Variants in HDAC9 observed in about 807,000 individuals in gnomAD.
HDAC9 encodes histone deacetylase 9.
Under a neutral mutation model 139.4 loss-of-function variants are expected in HDAC9, and 41 were observed. That is an observed-to-expected ratio of 0.29 (90% CI 0.23 to 0.38). HDAC9 has a LOEUF of 0.38. HDAC9 is among the 10% of genes least tolerant of loss of function. The pLI is 1.00. For synonymous variants in HDAC9, 517 were observed against 476.2 expected (o/e 1.09, Z -1.12); for missense variants, 1,147 against 1,297.0 (o/e 0.88, Z 1.78).
intron 1 of HDAC9, among the ~76,000 whole-genome samples, chr7:18,383,656 T>C (rs546421096): frequency 1.0e-3 from 157 of 152,114 alleles, no homozygotes; most frequent in African/African-American, 3.3e-3. Flanking sequence ...AAAGAAAGCT[T>C]TTTTAGCATG....
intron 17 of HDAC9, among the ~76,000 whole-genome samples, chr7:18,802,813 T>A (rs1184835555): frequency 6.6e-6 from 1 of 151,714 alleles, no homozygotes; most frequent in Admixed American, 6.6e-5. Flanking sequence ...AAAACAGCTT[T>A]TTTTCTTTTC....
intron 12 of HDAC9, among the ~76,000 whole-genome samples, chr7:18,727,271 A>G (rs1236736403): frequency 6.6e-6 from 1 of 152,178 alleles, no homozygotes; most frequent in Non-Finnish European, 1.5e-5. Context: ...GAAATGAGTC[A>G]AAGTCGACGT....
chr7:18,352,660 G>A lies in HDAC9; in HGVS notation c.-42+62145G>A, dbSNP rs568668386. Among the ~76,000 whole-genome samples, 10 of 151,988 alleles carry A rather than the reference G, an allele frequency of 6.6e-5. No homozygotes were observed. The South Asian group carries it at 8.3e-4, about 13-fold the overall frequency. On this transcript the variant is annotated intron_variant, in intron 1 of 3. Coordinates refer to the HDAC9 transcript ENST00000413509. Reference sequence around the variant, plus strand: ...TAAAGGTGAAAACAAACTCTTTTTCGTTATGATGGTTAGCATGCTAGATTC... The same window carrying A: ...TAAAGGTGAAAACAAACTCTTTTTCATTATGATGGTTAGCATGCTAGATTC...
intron 2 of HDAC9, among the ~76,000 whole-genome samples, chr7:18,174,779 G>C (rs1368616536): frequency 6.6e-6 from 1 of 152,166 alleles, no homozygotes; most frequent in Non-Finnish European, 1.5e-5. Flanking sequence ...TATCACCAGT[G>C]GAGGCTGCAG....
intron 1 of HDAC9, among the ~76,000 whole-genome samples, chr7:18,360,587 T>C (rs1783699096): frequency 1.3e-5 from 2 of 152,188 alleles, no homozygotes; most frequent in African/African-American, 2.4e-5. Context: ...ATAAATTCTT[T>C]TCATCTTTCA....
chr7:18,138,219 G>A (rs1481039306), intron 1 of HDAC9, among the ~76,000 whole-genome samples: 1 of 151,928 alleles, frequency 6.6e-6, no homozygotes, highest in Admixed American at 6.6e-5. Flanking sequence ...AGTCTTGCTA[G>A]TGGTCTATCA....
intron 13 of HDAC9, among the ~76,000 whole-genome samples, chr7:18,731,580 A>C (rs1198241254): frequency 6.6e-6 from 1 of 152,172 alleles, no homozygotes; most frequent in Non-Finnish European, 1.5e-5. Context: ...TCTTCATTCT[A>C]TTTCCTGAGA....
At chr7:18,628,345 T>C (rs902892979) in intron 6 of HDAC9, among the ~76,000 whole-genome samples, 2 of 152,154 alleles carry the variant, frequency 1.3e-5, no homozygotes, top group Non-Finnish European at 2.9e-5. Context: ...AATCAAATTA[T>C]AAATAGGCAT....
At chr7:18,983,440 A>G (rs181324031) in intron 25 of HDAC9, among the ~76,000 whole-genome samples, 3 of 152,064 alleles carry the variant, frequency 2.0e-5, no homozygotes, top group Admixed American at 1.3e-4. Flanking sequence ...TTAAGTTCCT[A>G]TTTTCAGTTT....
intron 2 of HDAC9, among the ~76,000 whole-genome samples, chr7:18,560,759 T>A (rs1318693987): frequency 6.6e-6 from 1 of 152,002 alleles, no homozygotes; most frequent in Non-Finnish European, 1.5e-5. Context: ...AGGTGAAGCA[T>A]TTTGATGTGG....
chr7:18,163,243 A>G (rs1270564874), intron 2 of HDAC9, among the ~76,000 whole-genome samples: 2 of 152,094 alleles, frequency 1.3e-5, no homozygotes, highest in African/African-American at 4.8e-5. Context: ...CACATCCCCA[A>G]CAGGCCTCCA....
upstream of HDAC9, among the ~76,000 whole-genome samples, chr7:18,286,653 G>T (rs970865312): frequency 1.3e-5 from 2 of 151,672 alleles, no homozygotes; most frequent in Non-Finnish European, 2.9e-5. Context: ...AAAAAGAGAG[G>T]TTTAATAAAG....
intron 1 of HDAC9, among the ~76,000 whole-genome samples, chr7:18,394,266 G>T (rs574332293): frequency 6.6e-6 from 1 of 152,126 alleles, no homozygotes; most frequent in Non-Finnish European, 1.5e-5. Context: ...AATTCTGTAG[G>T]TGTCACATTT....
At chr7:18,517,471 A>G (rs1803604127) in intron 2 of HDAC9, among the ~76,000 whole-genome samples, 1 of 152,066 alleles carries the variant, frequency 6.6e-6, no homozygotes, top group Non-Finnish European at 1.5e-5. Context: ...TGCCTGCATT[A>G]TTTCCTCCCC....
chr7:18,313,494 C>G (rs1355663381), intron 1 of HDAC9, among the ~76,000 whole-genome samples: 3 of 152,162 alleles, frequency 2.0e-5, no homozygotes, highest in African/African-American at 7.2e-5. Flanking sequence ...TTCATTTTCT[C>G]TTGCTCAGCA....
intron 5 of HDAC9, among the ~76,000 whole-genome samples, chr7:18,593,328 AC>A (rs1380968395): frequency 6.6e-6 from 1 of 152,006 alleles, no homozygotes; most frequent in Non-Finnish European, 1.5e-5. Context: ...GATTGTATTC[AC>A]CCAGGAAAAA....
intron 22 of HDAC9, among the ~76,000 whole-genome samples, chr7:18,876,427 T>C (rs1265791600): frequency 6.6e-6 from 1 of 152,160 alleles, no homozygotes; most frequent in African/African-American, 2.4e-5. Flanking sequence ...AGCAGACATA[T>C]TTTAAGTGAT....
intron 16 of HDAC9, among the ~76,000 whole-genome samples, chr7:18,791,964 C>G (rs1792354535): frequency 1.3e-5 from 2 of 152,122 alleles, no homozygotes; most frequent in African/African-American, 4.8e-5. Flanking sequence ...TCCAATGTCA[C>G]TCAGGTTTTA....
intron 1 of HDAC9, among the ~76,000 whole-genome samples, chr7:18,389,372 C>G (rs1257260462): frequency 6.6e-6 from 1 of 152,210 alleles, no homozygotes; most frequent in Non-Finnish European, 1.5e-5. Flanking sequence ...CACAGCAGCT[C>G]TCCTGTATTC....
Sources: gnomAD v4.1 joint callset for allele counts (sites outside exome capture counted in the v4.1 genomes callset) on GRCh38, gnomAD v4.1.1 for gene constraint, MANE v1.5 for transcripts, NCBI Gene and HGNC (gene_info 2026-07-23, HGNC 2026-07-21) for gene names.